Variants in FGF14 observed in about 807,000 individuals in gnomAD.
FGF14 encodes the protein fibroblast growth factor 14.
FGF14 carries 5 observed loss-of-function variants against 25.5 expected under a neutral mutation model. That is an observed-to-expected ratio of 0.20 (90% CI 0.10 to 0.41). The LOEUF (loss-of-function observed/expected upper bound fraction) is 0.41, where lower values mean the gene tolerates loss of function less well. Among genes scored for constraint, FGF14 ranks in the 10% least tolerant of loss-of-function variants. The pLI, the probability that FGF14 is intolerant of heterozygous loss-of-function variation, is 1.00. For synonymous variants in FGF14, 138 were observed against 118.3 expected (o/e 1.17, Z -1.08); for missense variants, 222 against 320.1 (o/e 0.69, Z 2.34).
At chr13:101,799,172 A>G (rs1462857388) in intron 3 of FGF14, among the ~76,000 whole-genome samples, 1 of 152,060 alleles carries the variant, frequency 6.6e-6, no homozygotes, top group Non-Finnish European at 1.5e-5. Context: ...CTTTACCTGA[A>G]GTCCATTTGG....
intron 3 of FGF14, among the ~76,000 whole-genome samples, chr13:101,729,396 A>T (rs983658604): frequency 6.6e-6 from 1 of 152,120 alleles, no homozygotes; most frequent in Admixed American, 6.5e-5. Flanking sequence ...ATGGAAGTTG[A>T]GGTTAGTTGC....
At position 102,400,116 on chromosome 13, in the gene FGF14, C is replaced by T. The variant is rs1416812280; in HGVS notation, c.208+1355G>A. ...CCCGCAGGCGGCAGACCCCTCGGAGCGCGCCACCCCAGCTACGTTGCATTG... is the reference window on the plus strand; with the variant it reads ...CCCGCAGGCGGCAGACCCCTCGGAGTGCGCCACCCCAGCTACGTTGCATTG... On this transcript the variant is annotated intron_variant, in intron 1 of 4. Coordinates refer to the FGF14 transcript ENST00000376131. This position sits in a 1 kb window ranked among gnomAD's most constrained non-coding sequence, Gnocchi z 4.3. 6.6e-6 allele frequency among the ~76,000 whole-genome samples: 1 copy of T among 151,996 alleles called. No homozygotes were observed. Among genetic ancestry groups the T allele is most frequent in the Non-Finnish European group, 1.5e-5 (1 of 67,986 alleles).
chr13:102,329,756 G>A (rs147392741), intron 1 of FGF14, among the ~76,000 whole-genome samples: 2 of 152,072 alleles, frequency 1.3e-5, no homozygotes, highest in South Asian at 4.2e-4. Context: ...AACACCTCCT[G>A]TTTTCCACCT....
Position 101,713,443 on chromosome 13 carries a change from C to G in FGF14, c.*9388G>C, listed in dbSNP as rs994505411. The stretch of plus-strand genomic sequence containing the variant: ...ACATTTTTTCAACGTGATTTTGACT[C>G]AAAAAGAATACAGCCATCTTTTAGT... On this transcript the variant is annotated 3_prime_UTR_variant, in exon 5 of 5. Transcript: ENST00000376143. 6.6e-6 allele frequency: 1 copy of G among 151,736 alleles called. No homozygotes were observed. Among genetic ancestry groups the G allele is most frequent in the African/African-American group, 2.4e-5 (1 of 41,316 alleles). 9.4% of individuals were successfully genotyped at this position (151,736 alleles called of 1,614,324 possible). A position where few individuals can be genotyped will look rare whatever the true frequency, so the allele number is the denominator to read the frequency against.
intron 1 of FGF14, among the ~76,000 whole-genome samples, chr13:102,332,339 A>T (rs1243363149): frequency 6.6e-6 from 1 of 152,190 alleles, no homozygotes; most frequent in Non-Finnish European, 1.5e-5. Flanking sequence ...TGCATAAATG[A>T]TGCAGTAGAA....
In FGF14 at chr13:101,722,038, A is replaced by G. The variant is rs2139652961; in HGVS notation, c.*793T>C. ...TGATATGTATAAAACACACACACAC[A>G]AAGAAACTAGAGGGGGATGTCAAAC... On this transcript the variant is annotated 3_prime_UTR_variant, in exon 5 of 5. Transcript: ENST00000376143. 6.6e-6 allele frequency: 1 copy of G among 152,460 alleles called. No homozygotes were observed. Among genetic ancestry groups the G allele is most frequent in the South Asian group, 2.1e-4 (1 of 4,842 alleles). 9.4% of individuals were successfully genotyped at this position (152,460 alleles called of 1,614,324 possible). A position where few individuals can be genotyped will look rare whatever the true frequency, so the allele number is the denominator to read the frequency against.
rs565796628 is a variant in FGF14, at chr13:102,271,539, T to C, written c.208+129932A>G. 4.0e-4 allele frequency among the ~76,000 whole-genome samples: 61 copies of C among 152,228 alleles called. 1 individual carries two copies. The highest frequency in any genetic ancestry group is 6.8e-4 in the Non-Finnish European group (46 of 68,042). On this transcript the variant is annotated intron_variant, in intron 1 of 4. Coordinates refer to the FGF14 transcript ENST00000376131. ...ATATTATTTCTCCCACGAATTCTTT[T>C]GGAAAGCCCCAGATGAGTGAGCTCC...
rs141831593 is a variant in FGF14, at chr13:101,753,564, G to C, written c.409-26754C>G. Among the ~76,000 whole-genome samples, 107 of 152,200 alleles carry C rather than the reference G, an allele frequency of 7.0e-4. 1 individual carries two copies. Among genetic ancestry groups the C allele is most frequent in the African/African-American group, 2.5e-3 (104 of 41,522 alleles). Reference sequence around the variant, plus strand: ...TCACGCCTGTAATCCCAGCACTTTGGGAGGCTGAGGCAGGCGCATCACCTG... The same window carrying C: ...TCACGCCTGTAATCCCAGCACTTTGCGAGGCTGAGGCAGGCGCATCACCTG... On this transcript the variant is annotated intron_variant, in intron 3 of 4. Transcript: ENST00000376143.
intron 3 of FGF14, among the ~76,000 whole-genome samples, chr13:101,831,744 G>T (rs60072025): frequency 4.6e-5 from 7 of 152,060 alleles, no homozygotes; most frequent in Non-Finnish European, 1.0e-4. Flanking sequence ...AAAGTTGATA[G>T]ATCAATTCCT....
chr13:102,275,075 A>ATATATTTG (rs2053442536), intron 1 of FGF14, among the ~76,000 whole-genome samples: 1 of 152,054 alleles, frequency 6.6e-6, no homozygotes, highest in Admixed American at 6.6e-5. Flanking sequence ...GAATCTTAGC[A>ATATATTTG]CATATTTGAA....
intron 3 of FGF14, among the ~76,000 whole-genome samples, chr13:101,739,757 A>G (rs1449036203): frequency 1.3e-5 from 2 of 152,106 alleles, no homozygotes; most frequent in Admixed American, 6.5e-5. Context: ...GAAGAGAGAG[A>G]CGCTCTCATA....
At chr13:102,254,696 T>C (rs1057204835) in intron 1 of FGF14, among the ~76,000 whole-genome samples, 5 of 152,096 alleles carry the variant, frequency 3.3e-5, no homozygotes, top group African/African-American at 1.2e-4. Flanking sequence ...TGGTAGGAAA[T>C]TCAACAGCAT....
chr13:102,094,693 A>C (rs1270822574), intron 1 of FGF14, among the ~76,000 whole-genome samples: 1 of 152,200 alleles, frequency 6.6e-6, no homozygotes, highest in Non-Finnish European at 1.5e-5. Flanking sequence ...AGCAGCTGCC[A>C]GTCTTTTGGC....
chr13:101,788,883 T>G (rs1281591750), intron 3 of FGF14, among the ~76,000 whole-genome samples: 1 of 30,114 alleles, frequency 3.3e-5, no homozygotes. Flanking sequence ...TATATATATA[T>G]ATATATATAT....
intron 3 of FGF14, among the ~76,000 whole-genome samples, chr13:101,852,780 C>T (rs1169999695): frequency 6.6e-6 from 1 of 152,076 alleles, no homozygotes; most frequent in Non-Finnish European, 1.5e-5. Context: ...TGTTTCCCAA[C>T]ACGATATGCA....
intron 1 of FGF14, among the ~76,000 whole-genome samples, chr13:102,181,424 T>C (rs902681835): frequency 6.6e-6 from 1 of 152,190 alleles, no homozygotes; most frequent in Non-Finnish European, 1.5e-5. Context: ...TACCCATGAA[T>C]GTGCCTTTAT....
chr13:101,899,674 T>A (rs1377565973), intron 1 of FGF14, among the ~76,000 whole-genome samples: 1 of 151,820 alleles, frequency 6.6e-6, no homozygotes, highest in African/African-American at 2.4e-5. Context: ...AAAGTAAACA[T>A]GAAAGTGAAA....
chr13:102,012,204 G>A (rs1262256252), intron 1 of FGF14, among the ~76,000 whole-genome samples: 3 of 152,112 alleles, frequency 2.0e-5, no homozygotes, highest in African/African-American at 7.2e-5. Flanking sequence ...AAGAGAAGGA[G>A]GGGCTGGGGG....
chr13:101,860,830 C>G (rs955100873), intron 3 of FGF14, among the ~76,000 whole-genome samples: 5 of 152,050 alleles, frequency 3.3e-5, no homozygotes, highest in Non-Finnish European at 5.9e-5. Context: ...AGGTCATTTT[C>G]AAAATCATTT....
Sources: allele counts gnomAD v4.1 joint callset (sites outside exome capture counted in the v4.1 genomes callset), GRCh38; gene constraint gnomAD v4.1.1; non-coding constraint Gnocchi (gnomAD v3.1); transcripts MANE v1.5; gene names NCBI Gene and HGNC (gene_info 2026-07-23, HGNC 2026-07-21).